NOX3: variants seen among roughly 807,000 people sequenced by gnomAD.
NOX3 encodes NADPH oxidase 3.
A neutral mutation model predicts 76.7 loss-of-function variants in NOX3; 74 were observed. The observed-to-expected ratio is 0.96, with a 90% CI of 0.80 to 1.17. The LOEUF is 1.17. Among genes scored for constraint, NOX3 ranks in the 50% most tolerant of loss-of-function variants. NOX3 has a pLI of 0.00. For missense variants in NOX3, 695 were observed against 703.3 expected (o/e 0.99, Z 0.13); for synonymous variants, 263 against 261.1 (o/e 1.01, Z -0.07).
chr6:155,402,827 G>A (rs1779249272), intron 12 of NOX3, among the ~76,000 whole-genome samples: 1 of 152,172 alleles, frequency 6.6e-6, no homozygotes, highest in South Asian at 2.1e-4. Context: ...AATAGAAATG[G>A]TTGAGAGCCT....
chr6:155,435,232 G>A (rs1345219892), intron 7 of NOX3, among the ~76,000 whole-genome samples: 2 of 152,246 alleles, frequency 1.3e-5, no homozygotes, highest in South Asian at 2.1e-4. Context: ...AATTAATGCC[G>A]GCAAACGCTG....
chr6:155,407,253 G>C lies in NOX3; in HGVS notation c.1457C>G (p.Ala486Gly), dbSNP rs1389005784. The C allele has an allele frequency of 6.2e-7, 1 of 1,609,652 alleles. No individual in the cohort carries two copies. The highest frequency in any genetic ancestry group is 8.5e-7 in the Non-Finnish European group (1 of 1,177,962). Residue 486 changes from alanine to glycine, a missense_variant and splice_region_variant, in exon 12 of 14, where the codon GCT (alanine) becomes GGT (glycine). By Grantham distance (60) the Ala-to-Gly change is moderately conservative. Coordinates refer to ENST00000159060, the MANE Select transcript of NOX3 (RefSeq NM_015718.3). ...IFLTGWDENQALHIALHWDEN... is the reference protein window; with the variant it reads ...IFLTGWDENQGLHIALHWDEN... Reference sequence around the variant, plus strand: ...GTCCCAGTGTAAAGCTATGTGAAGAGCCTAAAGTAAATTTGTGGCATTAGA... The same window carrying C: ...GTCCCAGTGTAAAGCTATGTGAAGACCCTAAAGTAAATTTGTGGCATTAGA...
chr6:155,414,836 C>T (rs1776604331), intron 10 of NOX3, among the ~76,000 whole-genome samples: 1 of 151,992 alleles, frequency 6.6e-6, no homozygotes, highest in South Asian at 2.1e-4. Flanking sequence ...CCATGTTGGC[C>T]ATGCTGGTCT....
chr6:155,436,195 A>G (rs1582942267), intron 7 of NOX3, among the ~76,000 whole-genome samples: 1 of 152,232 alleles, frequency 6.6e-6, no homozygotes, highest in Non-Finnish European at 1.5e-5. Flanking sequence ...AGACACTAGT[A>G]TTTAAAGGTA....
At chr6:155,451,799 T>C (rs1170597032) in intron 4 of NOX3, among the ~76,000 whole-genome samples, 4 of 152,038 alleles carry the variant, frequency 2.6e-5, no homozygotes, top group African/African-American at 9.7e-5. Flanking sequence ...TAATATTTTT[T>C]GGATTTTTGG....
intron 9 of NOX3, among the ~76,000 whole-genome samples, chr6:155,423,814 C>G (rs2114690540): frequency 6.7e-6 from 1 of 149,784 alleles, no homozygotes; most frequent in African/African-American, 2.5e-5. Context: ...GATCTCCGCT[C>G]TCTGCAACCT....
At chr6:155,415,568 A>C (rs970681156) in intron 10 of NOX3, among the ~76,000 whole-genome samples, 3 of 152,268 alleles carry the variant, frequency 2.0e-5, no homozygotes, top group African/African-American at 7.2e-5. Context: ...GATATAGTGT[A>C]GCATGGTACA....
rs1215914670 is a variant in NOX3 at position 155,411,297 on chromosome 6, A to G, written c.1372T>C (p.Ser458Pro). The G allele has an allele frequency of 6.2e-7, 1 of 1,613,832 alleles. No individual in the cohort carries two copies. Among genetic ancestry groups the G allele is most frequent in the African/African-American group, 1.3e-5 (1 of 74,910 alleles). The change falls in exon 11 of 14, where the codon TCC (serine) becomes CCC (proline). Residue 458 changes from serine (S) to proline (P), a missense_variant. Physicochemically the swap from Ser to Pro is moderately conservative, Grantham distance 74. Transcript: ENST00000159060. ...TGCTCACTCATCCGTGTTTCCAGGGAGAGTAAGAGATCAGCAAACCACTCA... is the reference window on the plus strand; with the variant it reads ...TGCTCACTCATCCGTGTTTCCAGGGGGAGTAAGAGATCAGCAAACCACTCA... ...AFEWFADLLL[S>P]LETRMSEQGK...
rs750832790 is a variant in NOX3, at chr6:155,443,246, G to A, written c.486+27C>T. On this transcript the variant is annotated intron_variant, in intron 5 of 13. Transcript: ENST00000159060. ...GGAAAAGGACGGATTTTTCAGGGGA[G>A]AAGCTTGTTAGCATGCAGGAACTCA... 3 of 1,600,346 alleles carry A rather than the reference G, an allele frequency of 1.9e-6. No individual in the cohort carries two copies. In the Admixed American group the frequency reaches 5.1e-5, roughly 27 times the overall value.
chr6:155,401,848 A>G (rs1779233582), intron 12 of NOX3, among the ~76,000 whole-genome samples: 3 of 152,072 alleles, frequency 2.0e-5, no homozygotes, highest in African/African-American at 7.2e-5. Context: ...AATTACATCA[A>G]ATTTACACCT....
chr6:155,418,349 A>G (rs1776646540), intron 10 of NOX3, among the ~76,000 whole-genome samples: 1 of 152,094 alleles, frequency 6.6e-6, no homozygotes, highest in Non-Finnish European at 1.5e-5. Context: ...CTTCCTCCAT[A>G]TTGCATCACA....
chr6:155,445,433 T>C (rs534176175), intron 4 of NOX3, among the ~76,000 whole-genome samples: 47 of 152,268 alleles, frequency 3.1e-4, no homozygotes, highest in African/African-American at 8.9e-4. Flanking sequence ...TTCGTGTCAT[T>C]TTGGTCCCTG....
At chr6:155,413,258 G>A (rs12527267) in intron 10 of NOX3, among the ~76,000 whole-genome samples, 30,345 of 151,960 alleles carry the variant, frequency 0.2, 3,243 homozygotes, top group African/African-American at 0.26. Flanking sequence ...TGGGAAGTGC[G>A]GAGGTCCTGA....
At chr6:155,396,728 A>G in intron 13 of NOX3, 81 bp downstream of exon 13, 4 of 1,192,868 alleles carry the variant, frequency 3.4e-6, no homozygotes, top group Non-Finnish European at 4.7e-6. Flanking sequence ...CATACAGTGC[A>G]TAGAGCCTAA....
chr6:155,430,132 G>A (rs571144199), intron 8 of NOX3, among the ~76,000 whole-genome samples: 3 of 152,280 alleles, frequency 2.0e-5, no homozygotes, highest in East Asian at 3.9e-4. Flanking sequence ...CTTGGCTAAC[G>A]GAGAGTTTCT....
intron 8 of NOX3, among the ~76,000 whole-genome samples, chr6:155,429,785 C>T (rs963882847): frequency 7.2e-5 from 11 of 152,164 alleles, no homozygotes; most frequent in African/African-American, 2.7e-4. Context: ...TATAAGGGAA[C>T]AAAATCTAGC....
At position 155,436,470 on chromosome 6, in the gene NOX3, CAT is replaced by C; in HGVS notation, c.744_745del (p.Trp249AlafsTer32). 1 of 1,614,128 alleles carries C rather than the reference CAT, an allele frequency of 6.2e-7. No homozygotes were observed. ...CACGGGGCATTGGGCCACTGTCTGC[CAT>C]TCTGCATAGCGGTCTCTACAGAAGG... On this transcript the variant is annotated frameshift_variant, in exon 7 of 14. Transcript: ENST00000159060. LOFTEE classifies it high-confidence loss of function.
chr6:155,413,839 C>T (rs1776587227), intron 10 of NOX3, among the ~76,000 whole-genome samples: 1 of 152,140 alleles, frequency 6.6e-6, no homozygotes, highest in South Asian at 2.1e-4. Context: ...ATGCTTAAAA[C>T]ACATTCATAG....
At chr6:155,453,546 A>T in intron 3 of NOX3, 58 bp from the exon 4 acceptor site, 2 of 1,326,540 alleles carry the variant, frequency 1.5e-6, no homozygotes, top group Non-Finnish European at 2.2e-6. Context: ...AAACAATCTC[A>T]TGAAAGTTAA....
Sources: allele counts gnomAD v4.1 joint callset (sites outside exome capture counted in the v4.1 genomes callset), GRCh38; gene constraint gnomAD v4.1.1; transcripts MANE v1.5; gene names NCBI Gene and HGNC (gene_info 2026-07-23, HGNC 2026-07-21).